SP6: variants seen among roughly 807,000 people sequenced by gnomAD.
SP6 encodes transcription factor Sp6.
SP6 carries 10 observed loss-of-function variants against 23.4 expected under a neutral mutation model. The ratio of observed to expected loss-of-function variants is 0.43; its 90% confidence interval spans 0.26 to 0.72. The LOEUF is 0.72. Ranked by LOEUF, SP6 falls within the 30% of genes least tolerant of loss-of-function variation. The pLI, the probability that SP6 is intolerant of heterozygous loss-of-function variation, is 0.23. For synonymous variants in SP6, 238 were observed against 238.7 expected (o/e 1.00, Z 0.03); for missense variants, 482 against 523.8 (o/e 0.92, Z 0.78).
chr17:47,873,797 T>C, the SP6 span, among the ~76,000 whole-genome samples: 2 of 151,664 alleles, frequency 1.3e-5, no homozygotes, highest in African/African-American at 4.8e-5. Flanking sequence ...CTTTTCTCTT[T>C]TCTTCTCTTC....
the SP6 span, among the ~76,000 whole-genome samples, chr17:47,861,320 C>A: frequency 6.6e-6 from 1 of 152,206 alleles, no homozygotes; most frequent in Non-Finnish European, 1.5e-5. Flanking sequence ...ACCCACAGGG[C>A]AGCCATCTTG....
chr17:47,848,127 T>C lies in SP6; in HGVS notation c.303A>G (p.Ser101=). 1 of 1,613,546 alleles carries C rather than the reference T, an allele frequency of 6.2e-7. No homozygotes were observed. The highest frequency in any genetic ancestry group is 8.5e-7 in the Non-Finnish European group (1 of 1,179,964). ...GCCTGAACCACGATTCATAATGGTG[T>C]GACATGTCCGGCTGCAGGAGCTTGG... ...PFSKLLQPDM[S]HHYESWFRPT... The change falls in exon 2 of 2, where the codon TCA becomes TCG. Residue 101 remains serine, a synonymous_variant. Transcript: ENST00000536300. This position sits in a 1 kb window ranked among gnomAD's most constrained non-coding sequence, Gnocchi z 5.3.
At chr17:47,868,979 C>T in the SP6 span, among the ~76,000 whole-genome samples, 443 of 152,344 alleles carry the variant, frequency 2.9e-3, 1 homozygote, top group South Asian at 5.2e-3. Flanking sequence ...AAACCACACA[C>T]GGCACCAGAG....
chr17:47,847,316 C>A lies in SP6; in HGVS notation c.1114G>T (p.Val372Leu). ...GKGKREAEGSVAPSN is the reference protein window; with the variant it reads ...GKGKREAEGSLAPSN ...TGAGGAGCTCAGTTGGAGGGAGCCA[C>A]GCTGCCCTCGGCCTCGCGTTTGCCT... Residue 372 changes from valine to leucine, a missense_variant, in exon 2 of 2, where the codon GTG becomes TTG. Around this residue, in one of 3 missense-constraint regions of SP6, gnomAD observed 101 missense variants for 99.3 expected, o/e 1.02. Transcript: ENST00000536300. 2 of 1,560,346 alleles carry A rather than the reference C, an allele frequency of 1.3e-6. No individual in the cohort carries two copies. Among genetic ancestry groups the A allele is most frequent in the East Asian group, 2.4e-5 (1 of 42,454 alleles).
At chr17:47,858,910 G>A (rs141475800), upstream of SP6, among the ~76,000 whole-genome samples, 1 of 151,376 alleles carries the variant, frequency 6.6e-6, no homozygotes, top group African/African-American at 2.4e-5. Context: ...AAGTAACCGG[G>A]ATTACAGGCA....
the SP6 span, among the ~76,000 whole-genome samples, chr17:47,866,330 G>A: frequency 2.0e-5 from 3 of 152,164 alleles, no homozygotes; most frequent in African/African-American, 7.2e-5. Flanking sequence ...GTTTCTTGGA[G>A]AATGAGGTCA....
At chr17:47,866,408 G>A in the SP6 span, among the ~76,000 whole-genome samples, 3 of 152,222 alleles carry the variant, frequency 2.0e-5, no homozygotes, top group Non-Finnish European at 1.5e-5. Context: ...CAAGGAGGAA[G>A]ATGGGCCCAG....
chr17:47,853,892 T>C (rs2033980063), upstream of SP6, among the ~76,000 whole-genome samples: 1 of 152,208 alleles, frequency 6.6e-6, no homozygotes, highest in Non-Finnish European at 1.5e-5. Context: ...CCCCCTCTAC[T>C]TGCAGTCCTC....
Position 47,845,610 on chromosome 17 carries a change from A to C in SP6, c.*1689T>G, listed in dbSNP as rs2033876801. ...AAGGAGGAAGAGATGCTGGGCCCAG[A>C]TCCCAGGATCTTGGACATGGTGAAT... On this transcript the variant is annotated 3_prime_UTR_variant, in exon 2 of 2. Transcript: ENST00000536300. 1 of 152,572 alleles carries C rather than the reference A, an allele frequency of 6.6e-6. No homozygotes were observed. Among genetic ancestry groups the C allele is most frequent in the Non-Finnish European group, 1.5e-5 (1 of 68,024 alleles). 9.5% of individuals were successfully genotyped at this position (152,572 alleles called of 1,614,324 possible).
In SP6 at chr17:47,847,933, G is replaced by T. The variant is rs779917867; in HGVS notation, c.497C>A (p.Pro166His). The change falls in exon 2 of 2, where the codon CCC becomes CAC. Residue 166 changes from proline (P) to histidine (H), a missense_variant. This residue lies in a region of SP6 where 330 missense variants were observed against 332.3 expected (regional missense o/e 0.99). Coordinates refer to ENST00000536300, the MANE Select transcript of SP6 (RefSeq NM_001258248.2). ...AAGGAGGTGGTGCGCATGCGGGTGGGGTGGCGGGGCACAAAGCTGGTGGTC... is the reference window on the plus strand; with the variant it reads ...AAGGAGGTGGTGCGCATGCGGGTGGTGTGGCGGGGCACAAAGCTGGTGGTC... ...VGDHQLCAPP[P>H]HPHAHHLLPA... The T allele has an allele frequency of 6.4e-7, 1 of 1,568,434 alleles. No individual in the cohort carries two copies. The highest frequency in any genetic ancestry group is 1.2e-5 in the South Asian group (1 of 86,234).
Position 47,847,969 on chromosome 17 carries a change from C to T in SP6, c.461G>A (p.Gly154Asp). ...ACAAAGCTGGTGGTCTCCGACGTAG[C>T]CCCCCAAGCCCGCCTGAAGCGCCCC... is the stretch of plus-strand genomic sequence containing the variant. ...HPGALQAGLG[G>D]YVGDHQLCAP... is the part of the protein sequence containing the mutation. The change falls in exon 2 of 2, where the codon GGC becomes GAC. Residue 154 changes from glycine (G) to aspartate (D), a missense_variant. Gly to Asp is a moderately conservative substitution (Grantham distance 94). This residue lies in a region of SP6 where 330 missense variants were observed against 332.3 expected (regional missense o/e 0.99). Coordinates refer to ENST00000536300, the MANE Select transcript of SP6 (RefSeq NM_001258248.2). The T allele has an allele frequency of 1.3e-6, 2 of 1,578,488 alleles. No individual in the cohort carries two copies. Among genetic ancestry groups the T allele is most frequent in the African/African-American group, 1.3e-5 (1 of 74,302 alleles).
At position 47,847,920 on chromosome 17, in the gene SP6, C is replaced by T. The variant is rs372632191; in HGVS notation, c.510G>A (p.Ala170=). 19 of 1,565,894 alleles carry T rather than the reference C, an allele frequency of 1.2e-5. No individual in the cohort carries two copies. Among genetic ancestry groups the T allele is most frequent in the East Asian group, 2.3e-5 (1 of 42,598 alleles). ...CTCCGGCAGCTGGAAGGAGGTGGTG[C>T]GCATGCGGGTGGGGTGGCGGGGCAC... is the stretch of plus-strand genomic sequence containing the variant. ...QLCAPPPHPH[A]HHLLPAAGGQ... Residue 170 remains alanine (A), a synonymous_variant, in exon 2 of 2, where the codon GCG becomes GCA. Transcript: ENST00000536300.
In SP6 at chr17:47,845,916, A is replaced by G. The variant is rs2033880646; in HGVS notation, c.*1383T>C. On this transcript the variant is annotated 3_prime_UTR_variant, in exon 2 of 2. Transcript: ENST00000536300. ...GCTGTGGCCTGTCAGACCCTTCCTC[A>G]TATCAGCTTCTTTCCCCTCTGCCTG... is the stretch of plus-strand genomic sequence containing the variant. 2 of 152,176 alleles carry G rather than the reference A, an allele frequency of 1.3e-5. No individual in the cohort carries two copies. Among genetic ancestry groups the G allele is most frequent in the Middle Eastern group, 3.4e-3 (1 of 298 alleles). 9.4% of individuals were successfully genotyped at this position (152,176 alleles called of 1,614,324 possible).
chr17:47,857,036 C>G (rs1048527644), upstream of SP6, among the ~76,000 whole-genome samples: 3 of 152,040 alleles, frequency 2.0e-5, no homozygotes, highest in African/African-American at 7.3e-5. Context: ...AACACTGAGG[C>G]CCTGAAGAGG....
Position 47,847,220 on chromosome 17 carries a change from C to T in SP6, c.*79G>A, listed in dbSNP as rs949085591. 2.2e-6 allele frequency: 3 copies of T among 1,384,056 alleles called. No homozygotes were observed. The highest frequency in any genetic ancestry group is 2.9e-6 in the Non-Finnish European group (3 of 1,048,150). The allele number at this position is 1,384,056 out of a possible 1,614,324, so 85.7% of individuals were successfully genotyped here. A position where few individuals can be genotyped will look rare whatever the true frequency, so the allele number is the denominator to read the frequency against. ...TACGCACCTTCCCCTCTTCCTCAAGCCACCCCCAAGGACGTCAGACCTGGG... is the reference window on the plus strand; with the variant it reads ...TACGCACCTTCCCCTCTTCCTCAAGTCACCCCCAAGGACGTCAGACCTGGG... On this transcript the variant is annotated 3_prime_UTR_variant, in exon 2 of 2. Transcript: ENST00000536300.
At chr17:47,861,970 A>G in the SP6 span, among the ~76,000 whole-genome samples, 1 of 150,042 alleles carries the variant, frequency 6.7e-6, no homozygotes, top group African/African-American at 2.5e-5. Context: ...ACCTGAGCCC[A>G]GGAGGTCAAG....
chr17:47,875,810 C>T, the SP6 span, among the ~76,000 whole-genome samples: 2 of 152,210 alleles, frequency 1.3e-5, no homozygotes, highest in South Asian at 4.1e-4. Context: ...TGCCCTTAGA[C>T]CTCCTTTAAC....
rs1384843792 is a variant in SP6 at position 47,848,357 on chromosome 17, C to A, written c.73G>T (p.Asp25Tyr). 1.9e-6 allele frequency: 3 copies of A among 1,594,392 alleles called. No homozygotes were observed. Among genetic ancestry groups the A allele is most frequent in the South Asian group, 1.1e-5 (1 of 88,648 alleles). Residue 25 changes from aspartate to tyrosine, a missense_variant, in exon 2 of 2, where the codon GAC becomes TAC. Physicochemically the swap from Asp to Tyr is radical, Grantham distance 160 (BLOSUM62 -3). Transcript: ENST00000536300. This position sits in a 1 kb window ranked among gnomAD's most constrained non-coding sequence, Gnocchi z 5.3. Reference sequence around the variant, plus strand: ...TGGTAAGTTTGGAGAGGCTGCAGGTCGAGGCGCGGCGGGGAGGCGTGCGGC... The same window carrying A: ...TGGTAAGTTTGGAGAGGCTGCAGGTAGAGGCGCGGCGGGGAGGCGTGCGGC... ...EAPHASPPRLDLQPLQTYQGH... is the reference protein window; with the variant it reads ...EAPHASPPRLYLQPLQTYQGH...
chr17:47,865,392 AC>A, the SP6 span, among the ~76,000 whole-genome samples: 1 of 152,102 alleles, frequency 6.6e-6, no homozygotes, highest in South Asian at 2.1e-4. Flanking sequence ...TCCCCGACTG[AC>A]CAGGGAAAGT....
Sources: gnomAD v4.1 joint callset for allele counts (sites outside exome capture counted in the v4.1 genomes callset) on GRCh38, gnomAD v4.1.1 for gene constraint, gnomAD v4.1.1 regional missense constraint, Gnocchi (gnomAD v3.1) non-coding constraint, MANE v1.5 for transcripts, NCBI Gene and HGNC (gene_info 2026-07-23, HGNC 2026-07-21) for gene names.